The following MLXIPL variants were observed in gnomAD, a reference collection of about 807,000 sequenced individuals.
MLXIPL encodes MLX interacting protein like.
In MLXIPL, 49 loss-of-function variants were observed where a neutral mutation model predicts 81.5. The observed-to-expected ratio is 0.60, with a 90% CI of 0.48 to 0.76. The LOEUF is 0.76. MLXIPL is among the 30% of genes least tolerant of loss of function. The pLI, the probability that MLXIPL is intolerant of heterozygous loss-of-function variation, is 0.00. For missense variants in MLXIPL, 1,053 were observed against 1,167.0 expected, an observed-to-expected ratio of 0.90 and a Z score of 1.42; for synonymous variants, 466 against 485.5, an observed-to-expected ratio of 0.96 and a Z score of 0.53.
the MLXIPL span, among the ~76,000 whole-genome samples, chr7:73,640,406 AAAAAAAAAAG>A: frequency 6.7e-6 from 1 of 150,158 alleles, no homozygotes; most frequent in African/African-American, 2.4e-5. Context: ...TGTCTCCAAA[AAAAAAAAAAG>A]AAAAAGAAAA....
the MLXIPL span, among the ~76,000 whole-genome samples, chr7:73,631,826 A>T: frequency 2.4e-4 from 26 of 106,336 alleles, no homozygotes; most frequent in African/African-American, 3.4e-4. Flanking sequence ...TCTTCTCTCC[A>T]GTCTTGTCTT....
intron 7 of MLXIPL, among the ~76,000 whole-genome samples, chr7:73,603,681 G>A (rs1795067313): frequency 2.0e-5 from 3 of 152,220 alleles, no homozygotes. Flanking sequence ...GACGGGCTGA[G>A]CCTGGATATC....
chr7:73,607,430 G>T lies in MLXIPL; in HGVS notation c.484-10C>A. ...CCTCCAGGACCACGGCCTGGGGTAG[G>T]GGCCGGGGGAGGGGGATCAGTAGAG... On this transcript the variant is annotated splice_polypyrimidine_tract_variant and intron_variant, in intron 3 of 16. Coordinates refer to ENST00000313375, the MANE Select transcript of MLXIPL (RefSeq NM_032951.3). 1 of 1,553,208 alleles carries T rather than the reference G, an allele frequency of 6.4e-7. No homozygotes were observed. Among genetic ancestry groups the T allele is most frequent in the South Asian group, 1.2e-5 (1 of 84,374 alleles).
chr7:73,623,948 C>T lies in MLXIPL; in HGVS notation c.293+252G>A, dbSNP rs918301978. Among the ~76,000 whole-genome samples the T allele has an allele frequency of 2.0e-5, 3 of 151,570 alleles. No individual in the cohort carries two copies. Among genetic ancestry groups the T allele is most frequent in the African/African-American group, 7.3e-5 (3 of 41,198 alleles). Reference sequence around the variant, plus strand: ...GGTGGGGCGCAGGCGGTCTGCGCTTCGGGGAAGAGGGAATGGGGGAGGAAT... The same window carrying T: ...GGTGGGGCGCAGGCGGTCTGCGCTTTGGGGAAGAGGGAATGGGGGAGGAAT... On this transcript the variant is annotated intron_variant, in intron 1 of 16. Transcript: ENST00000313375. The surrounding 1 kb of genome is among the most constrained non-coding windows in gnomAD (Gnocchi z 5.7).
intron 7 of MLXIPL, among the ~76,000 whole-genome samples, chr7:73,603,175 G>A (rs1442197732): frequency 2.0e-5 from 3 of 152,150 alleles, no homozygotes; most frequent in African/African-American, 7.2e-5. Context: ...GGAGGCTCTT[G>A]GGGGCAACGA....
At chr7:73,627,848 GGTGAAGA>G (rs1356006088), upstream of MLXIPL, among the ~76,000 whole-genome samples, 6 of 152,072 alleles carry the variant, frequency 3.9e-5, no homozygotes, top group African/African-American at 1.4e-4. Flanking sequence ...CCCTGGCTCA[GGTGAAGA>G]CCGGAATTGA....
At chr7:73,647,519 C>T in the MLXIPL span, among the ~76,000 whole-genome samples, 1 of 152,190 alleles carries the variant, frequency 6.6e-6, no homozygotes, top group Non-Finnish European at 1.5e-5. Context: ...GTGTGCACTT[C>T]ACCTTCTAGC....
At chr7:73,636,318 A>C in the MLXIPL span, among the ~76,000 whole-genome samples, 4 of 151,794 alleles carry the variant, frequency 2.6e-5, no homozygotes, top group African/African-American at 4.8e-5. Flanking sequence ...GCTGAGGCAC[A>C]AGAATTGCTT....
chr7:73,612,999 C>T lies in MLXIPL; in HGVS notation c.400+3072G>A, dbSNP rs140277092. On this transcript the variant is annotated intron_variant, in intron 2 of 16. Coordinates refer to ENST00000313375, the MANE Select transcript of MLXIPL (RefSeq NM_032951.3). ...GAGCGGTGCAAAGTGCCAGGGAGCT[C>T]CCAGGACACCAAGACGATTTCAGAG... 8.6e-4 allele frequency among the ~76,000 whole-genome samples: 131 copies of T among 152,160 alleles called. 1 individual carries two copies. Among genetic ancestry groups the T allele is most frequent in the Middle Eastern group, 3.4e-3 (1 of 294 alleles).
Position 73,611,661 on chromosome 7 carries a change from C to T in MLXIPL, c.401-3989G>A, listed in dbSNP as rs191492545. Reference sequence around the variant, plus strand: ...TGAGACCCCATCTCTACTAAAAATACAGAAATTAGCCAGGCGTGGTGGCGC... The same window carrying T: ...TGAGACCCCATCTCTACTAAAAATATAGAAATTAGCCAGGCGTGGTGGCGC... On this transcript the variant is annotated intron_variant, in intron 2 of 16. Coordinates refer to ENST00000313375, the MANE Select transcript of MLXIPL (RefSeq NM_032951.3). 3.6e-3 allele frequency among the ~76,000 whole-genome samples: 553 copies of T among 152,060 alleles called. 1 individual carries two copies. Among genetic ancestry groups the T allele is most frequent in the Middle Eastern group, 0.014 (4 of 294 alleles).
chr7:73,621,356 G>A (rs907089731), intron 1 of MLXIPL, among the ~76,000 whole-genome samples: 1 of 150,674 alleles, frequency 6.6e-6, no homozygotes, highest in Non-Finnish European at 1.5e-5. Flanking sequence ...CTCTGCCCAC[G>A]CTAACCTGCA....
chr7:73,600,636 C>T (rs1794730408), intron 7 of MLXIPL, among the ~76,000 whole-genome samples: 1 of 87,640 alleles, frequency 1.1e-5, no homozygotes, highest in Non-Finnish European at 2.2e-5. Context: ...TAAGGGTGGG[C>T]TCCGAGTGGG....
intron 1 of MLXIPL, 140 bp from the exon 2 acceptor site, chr7:73,616,317 G>A (rs1554600782): frequency 2.4e-5 from 18 of 738,508 alleles, no homozygotes; most frequent in Non-Finnish European, 2.6e-5. Context: ...AACCCAACCT[G>A]CCTGAAATTC....
At chr7:73,625,192 A>C (rs1310639423), upstream of MLXIPL, among the ~76,000 whole-genome samples, 1 of 151,680 alleles carries the variant, frequency 6.6e-6, no homozygotes, top group African/African-American at 2.4e-5. Flanking sequence ...TCCACAACAA[A>C]AGGGTCCCCT....
chr7:73,606,087 CCGG>C lies in MLXIPL; in HGVS notation c.640_642del (p.Pro214del). 6.3e-7 allele frequency: 1 copy of C among 1,583,006 alleles called. No homozygotes were observed. Among genetic ancestry groups the C allele is most frequent in the Non-Finnish European group, 8.6e-7 (1 of 1,164,758 alleles). ...GAGAAGAGCTGTTTGCACCATTGCT[CCGG>C]CGGCGGCCACCTGCCTTCCGCCTAG... On this transcript the variant is annotated inframe_deletion, in exon 6 of 17. Transcript: ENST00000313375.
chr7:73,599,593 G>T lies in MLXIPL; in HGVS notation c.1004C>A (p.Thr335Asn). The change falls in exon 8 of 17, where the codon ACC becomes AAC. Residue 335 changes from threonine (T) to asparagine (N), a missense_variant. Transcript: ENST00000313375. ...AGCCGGGGGCACCTCTGGGCCCAGG[G>T]TCCCACTGCTGAAGAGGGAGTCAAC... ...PVVDSLFSSG[T>N]LGPEVPPASS... The T allele has an allele frequency of 6.2e-7, 1 of 1,612,792 alleles. No individual in the cohort carries two copies. Among genetic ancestry groups the T allele is most frequent in the Non-Finnish European group, 8.5e-7 (1 of 1,179,312 alleles).
At position 73,596,513 on chromosome 7, in the gene MLXIPL, C is replaced by T. The variant is rs1315578938; in HGVS notation, c.1823-34G>A. ...GGGACAGACAGACCCACAGAAAGAC[C>T]GACCCAGGGGAAAGGGTCCCCATTG... On this transcript the variant is annotated intron_variant, in intron 11 of 16. Coordinates refer to ENST00000313375, the MANE Select transcript of MLXIPL (RefSeq NM_032951.3). This position sits in a 1 kb window ranked among gnomAD's most constrained non-coding sequence, Gnocchi z 4.7. 8.1e-6 allele frequency: 13 copies of T among 1,611,492 alleles called. No individual in the cohort carries two copies. Among genetic ancestry groups the T allele is most frequent in the Middle Eastern group, 1.7e-4 (1 of 5,988 alleles).
Position 73,597,310 on chromosome 7 carries a change from C to A in MLXIPL, c.1475G>T (p.Arg492Ile). The change falls in exon 9 of 17, where the codon AGA (arginine) becomes ATA (isoleucine). Residue 492 changes from arginine (R) to isoleucine (I), a missense_variant. Coordinates refer to ENST00000313375, the MANE Select transcript of MLXIPL (RefSeq NM_032951.3). The part of the protein sequence containing the change: ...PAFGPCFSMP[R>I]GKPPAPSPRG... Reference sequence around the variant, plus strand: ...AGGGGATGGGGCGGGGGGCTTGCCTCTGGGCATGGAGAAGCAAGGCCCAAA... The same window carrying A: ...AGGGGATGGGGCGGGGGGCTTGCCTATGGGCATGGAGAAGCAAGGCCCAAA... 6.4e-7 allele frequency: 1 copy of A among 1,554,484 alleles called. No homozygotes were observed. The highest frequency in any genetic ancestry group is 8.7e-7 in the Non-Finnish European group (1 of 1,150,744).
chr7:73,597,111 C>G, intron 9 of MLXIPL, 71 bp downstream of exon 9: 2 of 1,510,900 alleles, frequency 1.3e-6, no homozygotes, highest in South Asian at 1.2e-5. Flanking sequence ...CTTCTGCTCC[C>G]AAAACCCCCT....
Sources: gnomAD v4.1 joint callset for allele counts (sites outside exome capture counted in the v4.1 genomes callset) on GRCh38, gnomAD v4.1.1 for gene constraint, Gnocchi (gnomAD v3.1) non-coding constraint, MANE v1.5 for transcripts, NCBI Gene and HGNC (gene_info 2026-07-23, HGNC 2026-07-21) for gene names.